ZHX2: variants seen among roughly 807,000 people sequenced by gnomAD.
ZHX2 encodes the protein zinc fingers and homeoboxes protein 2.
In ZHX2, 6 loss-of-function variants were observed where a neutral mutation model predicts 21.9. The observed-to-expected ratio is 0.27, with a 90% confidence interval of 0.15 to 0.54. The LOEUF (loss-of-function observed/expected upper bound fraction) is 0.54. ZHX2 is among the 20% of genes least tolerant of loss of function. The pLI is 0.95. For synonymous variants in ZHX2, 434 were observed against 437.1 expected (o/e 0.99, Z 0.09); for missense variants, 908 against 1,090.7 (o/e 0.83, Z 2.36).
At chr8:122,892,507 T>C (rs1301393265) in intron 2 of ZHX2, among the ~76,000 whole-genome samples, 1 of 152,174 alleles carries the variant, frequency 6.6e-6, no homozygotes, top group African/African-American at 2.4e-5. Flanking sequence ...GTTCCTTTCT[T>C]CCTCTCTTAT....
At chr8:122,832,023 T>G (rs562652768) in intron 1 of ZHX2, among the ~76,000 whole-genome samples, 35 of 152,266 alleles carry the variant, frequency 2.3e-4, no homozygotes, top group Non-Finnish European at 5.0e-4. Flanking sequence ...GAGCTGCCAT[T>G]CAAAACCAAG....
At chr8:122,869,616 C>T (rs1819383211) in intron 2 of ZHX2, among the ~76,000 whole-genome samples, 3 of 152,228 alleles carry the variant, frequency 2.0e-5, no homozygotes, top group South Asian at 4.1e-4. Flanking sequence ...GGCATCAGAA[C>T]TCCATGCAGG....
At chr8:122,891,269 ATTGTGTGTGTGTGTGTGTGTGTGT>A (rs1819970821) in intron 2 of ZHX2, among the ~76,000 whole-genome samples, 1 of 138,744 alleles carries the variant, frequency 7.2e-6, no homozygotes, top group South Asian at 2.3e-4. Flanking sequence ...ATCTTGGTAG[ATTGTGTGTGTGTGTGTGTGTGTGT>A]GTGTGTGTGT....
At chr8:122,961,474 G>A (rs201281682) in intron 3 of ZHX2, among the ~76,000 whole-genome samples, 5 of 152,162 alleles carry the variant, frequency 3.3e-5, no homozygotes, top group African/African-American at 1.2e-4. Flanking sequence ...CTTGTATTAG[G>A]CTGTTTTCAT....
At chr8:122,958,812 T>C (rs1813370560) in intron 3 of ZHX2, among the ~76,000 whole-genome samples, 1 of 152,250 alleles carries the variant, frequency 6.6e-6, no homozygotes, top group South Asian at 2.1e-4. Flanking sequence ...CCACAATGTA[T>C]TCATTCAGCA....
chr8:122,899,328 A>G (rs1820172896), intron 2 of ZHX2, among the ~76,000 whole-genome samples: 2 of 151,998 alleles, frequency 1.3e-5, no homozygotes, highest in South Asian at 2.1e-4. Context: ...CATGTATTTT[A>G]TCTGCCTTTC....
intron 1 of ZHX2, among the ~76,000 whole-genome samples, chr8:122,851,500 T>C (rs1818900125): frequency 6.6e-6 from 1 of 152,230 alleles, no homozygotes; most frequent in African/African-American, 2.4e-5. Flanking sequence ...CATCCCTTTA[T>C]TCTGGTTTTT....
At chr8:122,847,199 G>C in intron 1 of ZHX2, among the ~76,000 whole-genome samples, 1 of 152,082 alleles carries the variant, frequency 6.6e-6, no homozygotes, top group Non-Finnish European at 1.5e-5. Context: ...GCCAGGGCTG[G>C]GTCCTTGTGA....
chr8:122,954,076 T>C, intron 3 of ZHX2, 48 bp downstream of exon 3: 5 of 1,485,076 alleles, frequency 3.4e-6, no homozygotes, highest in Non-Finnish European at 4.5e-6. Flanking sequence ...GCAGCTTGCT[T>C]TCTTTTCGTT....
intron 2 of ZHX2, among the ~76,000 whole-genome samples, chr8:122,872,287 A>G (rs758505347): frequency 6.6e-6 from 1 of 152,184 alleles, no homozygotes; most frequent in African/African-American, 2.4e-5. Flanking sequence ...CGGTAGCTCC[A>G]TCAGTTCACA....
chr8:122,807,980 G>T (rs1817855969), intron 1 of ZHX2: 1 of 152,190 alleles, frequency 6.6e-6, no homozygotes, highest in Admixed American at 6.5e-5. Flanking sequence ...ATTGCAACTT[G>T]TCCAAGGTCA....
chr8:122,825,693 A>G (rs751929441), intron 1 of ZHX2, among the ~76,000 whole-genome samples: 6 of 152,156 alleles, frequency 3.9e-5, no homozygotes, highest in Non-Finnish European at 7.3e-5. Flanking sequence ...CAAAATGGCT[A>G]TAATATTTGG....
At chr8:122,888,419 C>G (rs1430442024) in intron 2 of ZHX2, among the ~76,000 whole-genome samples, 1 of 152,100 alleles carries the variant, frequency 6.6e-6, no homozygotes, top group Admixed American at 6.5e-5. Flanking sequence ...TAGGAAGATT[C>G]AAAATCCTCT....
intron 2 of ZHX2, among the ~76,000 whole-genome samples, chr8:122,892,078 T>C (rs1042206855): frequency 6.6e-6 from 1 of 152,216 alleles, no homozygotes; most frequent in African/African-American, 2.4e-5. Flanking sequence ...GGTCTAGCAA[T>C]GTATGCTTTT....
At chr8:122,838,361 T>C (rs1039455036) in intron 1 of ZHX2, among the ~76,000 whole-genome samples, 2 of 152,160 alleles carry the variant, frequency 1.3e-5, no homozygotes, top group Non-Finnish European at 2.9e-5. Context: ...CATGTTCTAC[T>C]CTGAGATTTG....
At chr8:122,792,138 C>T (rs181506146) in intron 1 of ZHX2, among the ~76,000 whole-genome samples, 6 of 152,216 alleles carry the variant, frequency 3.9e-5, no homozygotes, top group Admixed American at 2.0e-4. Flanking sequence ...TTCCCTTCTT[C>T]CACTCCCCGC....
At chr8:122,905,875 A>G (rs138206489) in intron 2 of ZHX2, among the ~76,000 whole-genome samples, 2 of 152,376 alleles carry the variant, frequency 1.3e-5, no homozygotes, top group African/African-American at 2.4e-5. Context: ...ACCTAATAGA[A>G]TAAAATCATT....
chr8:122,928,885 T>A (rs1299880657), intron 2 of ZHX2, among the ~76,000 whole-genome samples: 1 of 152,162 alleles, frequency 6.6e-6, no homozygotes, highest in Non-Finnish European at 1.5e-5. Flanking sequence ...TCATCTTGAC[T>A]TGGGACAAGG....
chr8:122,922,110 C>T (rs1347818290), intron 2 of ZHX2, among the ~76,000 whole-genome samples: 1 of 152,040 alleles, frequency 6.6e-6, no homozygotes, highest in Non-Finnish European at 1.5e-5. Flanking sequence ...TCAGGCAGCT[C>T]CTGCATTCAT....
Sources: allele counts gnomAD v4.1 joint callset (sites outside exome capture counted in the v4.1 genomes callset), GRCh38; gene constraint gnomAD v4.1.1; transcripts MANE v1.5; gene names NCBI Gene and HGNC (gene_info 2026-07-23, HGNC 2026-07-21).